Variants in CTNNA3 observed in about 807,000 individuals in gnomAD.
CTNNA3 encodes catenin alpha 3.
A neutral mutation model predicts 95.7 loss-of-function variants in CTNNA3; 76 were observed. The observed-to-expected ratio is 0.79, with a 90% CI of 0.66 to 0.96. The LOEUF is 0.96. CTNNA3 is among the 40% of genes least tolerant of loss of function. The pLI is 0.00. For synonymous variants in CTNNA3, 431 were observed against 374.4 expected, an observed-to-expected ratio of 1.15 and a Z score of -1.74; for missense variants, 1,191 against 1,089.8, an observed-to-expected ratio of 1.09 and a Z score of -1.31.
chr10:66,404,382 C>A (rs1470150459), intron 11 of CTNNA3, among the ~76,000 whole-genome samples: 3 of 152,138 alleles, frequency 2.0e-5, no homozygotes, highest in Non-Finnish European at 4.4e-5. Flanking sequence ...GCTGTGGTCT[C>A]AGTAGTTTGA....
chr10:67,662,569 C>T (rs923507311), intron 1 of CTNNA3, among the ~76,000 whole-genome samples: 3 of 152,142 alleles, frequency 2.0e-5, no homozygotes, highest in Non-Finnish European at 4.4e-5. Context: ...GAACGAATAT[C>T]AAAAGCGTTT....
At chr10:67,162,761 A>C (rs1043889707) in intron 7 of CTNNA3, among the ~76,000 whole-genome samples, 1 of 151,934 alleles carries the variant, frequency 6.6e-6, no homozygotes, top group African/African-American at 2.4e-5. Flanking sequence ...TAGAAAAATT[A>C]ACAAAAATAA....
intron 7 of CTNNA3, among the ~76,000 whole-genome samples, chr10:67,097,161 G>A (rs574020619): frequency 6.6e-6 from 1 of 151,884 alleles, no homozygotes; most frequent in Non-Finnish European, 1.5e-5. Context: ...TGATTTTTGT[G>A]AATGCTAAAG....
chr10:66,805,142 C>T (rs1049548905), intron 7 of CTNNA3, among the ~76,000 whole-genome samples: 7 of 152,044 alleles, frequency 4.6e-5, no homozygotes, highest in East Asian at 1.9e-4. Flanking sequence ...TAAACATGTC[C>T]TGTATGACTC....
At chr10:66,144,517 C>T (rs766485562) in intron 13 of CTNNA3, among the ~76,000 whole-genome samples, 5 of 150,272 alleles carry the variant, frequency 3.3e-5, no homozygotes, top group Non-Finnish European at 5.9e-5. Context: ...GACAGAGTTT[C>T]GCTCGTGTTG....
intron 5 of CTNNA3, among the ~76,000 whole-genome samples, chr10:67,323,740 A>G (rs188926573): frequency 6.6e-6 from 1 of 152,192 alleles, no homozygotes; most frequent in East Asian, 1.9e-4. Flanking sequence ...AGTTCTGTGA[A>G]GTGTTTCAAT....
chr10:66,554,159 T>C (rs1218091448), intron 10 of CTNNA3, among the ~76,000 whole-genome samples: 1 of 152,152 alleles, frequency 6.6e-6, no homozygotes, highest in East Asian at 1.9e-4. Context: ...TTTCTTGAGA[T>C]ATGTAAATAT....
chr10:67,225,903 G>A (rs1043735128), intron 5 of CTNNA3, among the ~76,000 whole-genome samples: 1 of 152,152 alleles, frequency 6.6e-6, no homozygotes, highest in African/African-American at 2.4e-5. Flanking sequence ...AAGAATTCAG[G>A]AGGTTAGTTA....
At chr10:67,679,467 A>G (rs1208264635) in intron 1 of CTNNA3, among the ~76,000 whole-genome samples, 1 of 152,252 alleles carries the variant, frequency 6.6e-6, no homozygotes, top group Non-Finnish European at 1.5e-5. Context: ...GAGTGGTAAC[A>G]GAATATTGGG....
At chr10:66,837,671 G>T (rs1479503405) in intron 7 of CTNNA3, 1 of 152,062 alleles carries the variant, frequency 6.6e-6, no homozygotes, top group Non-Finnish European at 1.5e-5. Context: ...TGCAAAATGG[G>T]TTTCCTGTCA....
chr10:67,149,550 A>C (rs1860999236), intron 7 of CTNNA3, among the ~76,000 whole-genome samples: 1 of 152,150 alleles, frequency 6.6e-6, no homozygotes. Context: ...GCGCCACTGC[A>C]CTCCAGCCTG....
At chr10:66,951,484 A>G (rs902933941) in intron 7 of CTNNA3, among the ~76,000 whole-genome samples, 2 of 152,188 alleles carry the variant, frequency 1.3e-5, no homozygotes, top group Non-Finnish European at 2.9e-5. Context: ...TAACGTATTT[A>G]ATTCTTACGA....
At chr10:66,517,480 G>A (rs1308513344) in intron 11 of CTNNA3, among the ~76,000 whole-genome samples, 2 of 151,904 alleles carry the variant, frequency 1.3e-5, no homozygotes, top group East Asian at 3.9e-4. Flanking sequence ...CCACAAGAGT[G>A]ACCTCTGCTC....
chr10:66,898,076 A>G (rs1404981695), intron 7 of CTNNA3, among the ~76,000 whole-genome samples: 1 of 152,240 alleles, frequency 6.6e-6, no homozygotes, highest in African/African-American at 2.4e-5. Context: ...CTATTGGCAA[A>G]TGAGATAAAC....
At position 67,034,035 on chromosome 10, in the gene CTNNA3, G is replaced by A. The variant is rs936130272; in HGVS notation, c.1047+146282C>T. On this transcript the variant is annotated intron_variant, in intron 7 of 17. Transcript: ENST00000433211. Reference sequence around the variant, plus strand: ...GATCCGCCTGCCTCGGCCTTCCAACGTGCTGAGACTACAGGCGTGAGCCAC... The same window carrying A: ...GATCCGCCTGCCTCGGCCTTCCAACATGCTGAGACTACAGGCGTGAGCCAC... 2.6e-5 allele frequency among the ~76,000 whole-genome samples: 4 copies of A among 152,266 alleles called. No individual in the cohort carries two copies. The East Asian group carries it at 5.8e-4, about 22-fold the overall frequency.
At chr10:67,703,536 C>A (rs1351148495) in intron 1 of CTNNA3, among the ~76,000 whole-genome samples, 1 of 152,172 alleles carries the variant, frequency 6.6e-6, no homozygotes, top group South Asian at 2.1e-4. Context: ...ACATGATTAT[C>A]TCAATAGATG....
In CTNNA3 at chr10:66,863,848, C is replaced by T. The variant is rs563949723; in HGVS notation, c.1048-88324G>A. Among the ~76,000 whole-genome samples, 12 of 152,094 alleles carry T rather than the reference C, an allele frequency of 7.9e-5. 1 individual carries two copies. In the South Asian group the frequency reaches 2.1e-3, roughly 26 times the overall value. ...TGGACATAGAAGATTTCTTCAGAAA[C>T]GGGGGTCATCTCACATAGTTGGTAA... On this transcript the variant is annotated intron_variant, in intron 7 of 17. Coordinates refer to ENST00000433211, the MANE Select transcript of CTNNA3 (RefSeq NM_013266.4).
chr10:66,691,381 C>T (rs1847530599), intron 9 of CTNNA3, among the ~76,000 whole-genome samples: 1 of 152,196 alleles, frequency 6.6e-6, no homozygotes, highest in African/African-American at 2.4e-5. Flanking sequence ...TGAGATCAAA[C>T]TGCGAGGCAG....
At chr10:66,464,008 T>C (rs746872039) in intron 11 of CTNNA3, among the ~76,000 whole-genome samples, 2 of 152,116 alleles carry the variant, frequency 1.3e-5, no homozygotes, top group African/African-American at 4.8e-5. Context: ...ACAAATTGTA[T>C]TGTTGGCATT....
Sources: gnomAD v4.1 joint callset for allele counts (sites outside exome capture counted in the v4.1 genomes callset) on GRCh38, gnomAD v4.1.1 for gene constraint, MANE v1.5 for transcripts, NCBI Gene and HGNC (gene_info 2026-07-23, HGNC 2026-07-21) for gene names.